SPTLC2: variants seen among roughly 807,000 people sequenced by gnomAD.
SPTLC2 encodes the protein serine palmitoyltransferase 2.
SPTLC2 carries 21 observed loss-of-function variants against 62.0 expected under a neutral mutation model. The ratio of observed to expected loss-of-function variants is 0.34; its 90% confidence interval spans 0.24 to 0.49. The LOEUF (loss-of-function observed/expected upper bound fraction) is 0.49. Ranked by LOEUF, SPTLC2 falls within the 20% of genes least tolerant of loss-of-function variation. SPTLC2 has a pLI of 0.99. For synonymous variants in SPTLC2, 261 were observed against 261.8 expected (o/e 1.00, Z 0.03); for missense variants, 511 against 713.0 (o/e 0.72, Z 3.23).
At chr14:77,530,775 T>C (rs2079434211) in intron 9 of SPTLC2, among the ~76,000 whole-genome samples, 1 of 152,204 alleles carries the variant, frequency 6.6e-6, no homozygotes, top group Admixed American at 6.5e-5. Context: ...CTGGTTCTTC[T>C]GGTTTCAAAG....
At chr14:77,530,069 T>C (rs1298105186) in intron 9 of SPTLC2, among the ~76,000 whole-genome samples, 3 of 152,208 alleles carry the variant, frequency 2.0e-5, no homozygotes, top group African/African-American at 7.2e-5. Context: ...TTTATGGTGC[T>C]ACAGCTAACT....
At chr14:77,572,588 T>C (rs892521928) in intron 4 of SPTLC2, among the ~76,000 whole-genome samples, 13 of 152,222 alleles carry the variant, frequency 8.5e-5, no homozygotes, top group African/African-American at 2.2e-4. Flanking sequence ...AAACCAGGCA[T>C]TGACTTGTCT....
intron 1 of SPTLC2, among the ~76,000 whole-genome samples, chr14:77,598,820 C>G (rs904804748): frequency 6.6e-6 from 1 of 151,768 alleles, no homozygotes; most frequent in African/African-American, 2.4e-5. Context: ...GCCTGTAGTC[C>G]CAGGTCCTCA....
At chr14:77,609,779 T>C (rs1224397124) in intron 1 of SPTLC2, among the ~76,000 whole-genome samples, 1 of 151,904 alleles carries the variant, frequency 6.6e-6, no homozygotes, top group African/African-American at 2.4e-5. Context: ...CAGTCCCAGA[T>C]ACTTGGGAGG....
intron 4 of SPTLC2, 146 bp from the exon 5 acceptor site, chr14:77,570,654 T>C: frequency 3.8e-5 from 35 of 909,490 alleles, no homozygotes; most frequent in Middle Eastern, 2.5e-4. Flanking sequence ...AAGAGTAATA[T>C]TCTTCATAAT....
intron 2 of SPTLC2, among the ~76,000 whole-genome samples, chr14:77,579,813 TC>T (rs1208991722): frequency 1.3e-5 from 2 of 152,160 alleles, no homozygotes; most frequent in Non-Finnish European, 2.9e-5. Context: ...TTAACACAAC[TC>T]TTATCAGATA....
intron 7 of SPTLC2, among the ~76,000 whole-genome samples, chr14:77,556,097 C>T (rs577291951): frequency 3.8e-4 from 57 of 151,828 alleles, no homozygotes; most frequent in African/African-American, 1.3e-3. Context: ...CTGAGGTAGG[C>T]GGATCACTTG....
At chr14:77,603,919 G>A (rs1379412660) in intron 1 of SPTLC2, among the ~76,000 whole-genome samples, 8 of 152,194 alleles carry the variant, frequency 5.3e-5, no homozygotes, top group Admixed American at 4.6e-4. Flanking sequence ...TACAAGTGCA[G>A]CTCTGCCACA....
intron 2 of SPTLC2, among the ~76,000 whole-genome samples, chr14:77,589,235 C>T (rs749562851): frequency 2.0e-5 from 3 of 152,116 alleles, no homozygotes; most frequent in South Asian, 4.2e-4. Flanking sequence ...GTCATACCAC[C>T]GTCTGTCCTT....
Position 77,520,932 on chromosome 14 carries a change from G to C in SPTLC2, c.1439+514C>G, listed in dbSNP as rs138349746. Among the ~76,000 whole-genome samples the C allele has an allele frequency of 3.5e-4, 54 of 152,338 alleles. 1 individual carries two copies. Among genetic ancestry groups the C allele is most frequent in the African/African-American group, 1.2e-3 (51 of 41,570 alleles). ...TCTGTACTGTGGCCTTTGCACAGAT[G>C]CTTCTTTCTCCAGTGGCTGTCAGCT... is the stretch of plus-strand genomic sequence containing the variant. On this transcript the variant is annotated intron_variant, in intron 10 of 11. Transcript: ENST00000216484.
intron 4 of SPTLC2, 78 bp downstream of exon 4, chr14:77,576,689 A>C: frequency 6.3e-7 from 1 of 1,579,776 alleles, no homozygotes; most frequent in South Asian, 1.1e-5. Context: ...TTAATACTCT[A>C]GGTCAATATT....
intron 3 of SPTLC2, among the ~76,000 whole-genome samples, chr14:77,577,431 A>G (rs1198840787): frequency 1.3e-5 from 2 of 152,208 alleles, no homozygotes; most frequent in East Asian, 3.9e-4. Context: ...AAGTATCGAT[A>G]AGGATAAACT....
At chr14:77,586,564 A>G (rs2079782642) in intron 2 of SPTLC2, among the ~76,000 whole-genome samples, 1 of 152,212 alleles carries the variant, frequency 6.6e-6, no homozygotes. Flanking sequence ...AATAGTATAC[A>G]GTGATATAGG....
At chr14:77,603,343 A>G (rs1369079149) in intron 1 of SPTLC2, among the ~76,000 whole-genome samples, 2 of 152,226 alleles carry the variant, frequency 1.3e-5, no homozygotes, top group Non-Finnish European at 2.9e-5. Context: ...TTTGTCCATT[A>G]AACGAACCCT....
chr14:77,527,369 T>C lies in SPTLC2; in HGVS notation c.1304-5788A>G, dbSNP rs1594971372. 2.0e-5 allele frequency among the ~76,000 whole-genome samples: 3 copies of C among 152,190 alleles called. No homozygotes were observed. The Middle Eastern group carries it at 0.01, about 518-fold the overall frequency. On this transcript the variant is annotated intron_variant, in intron 9 of 11. Transcript: ENST00000216484. ...CGCACCAGGCCTAGATTTAGTTCTC[T>C]TAAGGAACTAGAAGGCCTTGAAAAG...
At chr14:77,562,375 T>A in intron 6 of SPTLC2, 21 bp downstream of exon 6, 1 of 1,610,882 alleles carries the variant, frequency 6.2e-7, no homozygotes, top group Non-Finnish European at 8.5e-7. Flanking sequence ...AGGCCAGCAG[T>A]GAATTCTTCA....
chr14:77,597,993 A>G (rs938004427), intron 1 of SPTLC2, among the ~76,000 whole-genome samples: 1 of 151,888 alleles, frequency 6.6e-6, no homozygotes, highest in Non-Finnish European at 1.5e-5. Flanking sequence ...GTGGTGGCGC[A>G]TGCCTATAAT....
At chr14:77,568,669 G>A (rs1271706163) in intron 5 of SPTLC2, among the ~76,000 whole-genome samples, 2 of 152,090 alleles carry the variant, frequency 1.3e-5, no homozygotes, top group African/African-American at 4.8e-5. Context: ...TTAGCCAGGT[G>A]TGGTGGTGGG....
chr14:77,546,541 A>G (rs2079528656), intron 9 of SPTLC2, among the ~76,000 whole-genome samples: 1 of 152,176 alleles, frequency 6.6e-6, no homozygotes, highest in Non-Finnish European at 1.5e-5. Context: ...AATTGAGAAA[A>G]GACAAGCTGA....
Sources: allele counts gnomAD v4.1 joint callset (sites outside exome capture counted in the v4.1 genomes callset), GRCh38; gene constraint gnomAD v4.1.1; transcripts MANE v1.5; gene names NCBI Gene and HGNC (gene_info 2026-07-23, HGNC 2026-07-21).